ZNF704: variants seen among roughly 807,000 people sequenced by gnomAD.
ZNF704 encodes glucocorticoid induced gene 1.
In ZNF704, 10 loss-of-function variants were observed where a neutral mutation model predicts 44.7. The observed-to-expected ratio is 0.22, with a 90% CI of 0.14 to 0.38. The LOEUF is 0.38. Ranked by LOEUF, ZNF704 falls within the 10% of genes least tolerant of loss-of-function variation. The probability of loss-of-function intolerance (pLI) is 1.00; values close to 1 mark genes in which losing one functional copy is unlikely to be tolerated. For missense variants in ZNF704, 390 were observed against 545.5 expected (o/e 0.71, Z 2.84); for synonymous variants, 211 against 207.6 (o/e 1.02, Z -0.14).
At chr8:80,729,660 T>G (rs1179255708) in intron 2 of ZNF704, among the ~76,000 whole-genome samples, 1 of 152,200 alleles carries the variant, frequency 6.6e-6, no homozygotes, top group Non-Finnish European at 1.5e-5. Context: ...CACCCACTCC[T>G]GCAGATTGGT....
intron 1 of ZNF704, chr8:80,873,464 G>C (rs1383800922): frequency 6.6e-6 from 1 of 151,880 alleles, no homozygotes; most frequent in African/African-American, 2.4e-5. Flanking sequence ...TCCTCGGCCA[G>C]GCGCCTTGCC....
At chr8:80,730,658 G>T (rs1295895536) in intron 2 of ZNF704, among the ~76,000 whole-genome samples, 1 of 149,082 alleles carries the variant, frequency 6.7e-6, no homozygotes, top group South Asian at 2.1e-4. Context: ...AAATAGATTA[G>T]ATTTTTTTTC....
chr8:80,771,769 T>C (rs1586015848), intron 2 of ZNF704, among the ~76,000 whole-genome samples: 1 of 152,338 alleles, frequency 6.6e-6, no homozygotes, highest in East Asian at 1.9e-4. Flanking sequence ...CAGACATCTT[T>C]GCCTCATTTC....
chr8:80,652,592 C>T (rs528892356), intron 7 of ZNF704, among the ~76,000 whole-genome samples: 2 of 152,306 alleles, frequency 1.3e-5, no homozygotes, highest in African/African-American at 2.4e-5. Context: ...TTCCTCGACA[C>T]ACACACCCTC....
chr8:80,800,605 A>C (rs1807882817), intron 2 of ZNF704, among the ~76,000 whole-genome samples: 2 of 152,158 alleles, frequency 1.3e-5, no homozygotes, highest in Non-Finnish European at 2.9e-5. Flanking sequence ...TCAGACAAGC[A>C]AATGCTGAGG....
chr8:80,761,211 C>A (rs1210545387), intron 2 of ZNF704, among the ~76,000 whole-genome samples: 4 of 152,126 alleles, frequency 2.6e-5, no homozygotes, highest in Admixed American at 6.5e-5. Flanking sequence ...TCACCAGATA[C>A]CAAATGCCGA....
In ZNF704 at chr8:80,832,539, A is replaced by G. The variant is rs150260348; in HGVS notation, c.-21-10924T>C. Reference sequence around the variant, plus strand: ...ATGTGTCAACACTCAACTCTTGGAAACTGTCCTCAGTTACTCATCTCAACC... The same window carrying G: ...ATGTGTCAACACTCAACTCTTGGAAGCTGTCCTCAGTTACTCATCTCAACC... On this transcript the variant is annotated intron_variant, in intron 1 of 8. Transcript: ENST00000327835. 7.2e-5 allele frequency among the ~76,000 whole-genome samples: 11 copies of G among 152,300 alleles called. No homozygotes were observed. The East Asian group carries it at 1.9e-3, about 27-fold the overall frequency.
intron 2 of ZNF704, among the ~76,000 whole-genome samples, chr8:80,741,424 T>C (rs374758979): frequency 3.9e-5 from 6 of 152,186 alleles, no homozygotes; most frequent in East Asian, 1.9e-4. Flanking sequence ...AGTAAGAAAA[T>C]TGATGTAGTG....
intron 1 of ZNF704, among the ~76,000 whole-genome samples, chr8:80,843,582 T>C (rs1417617513): frequency 3.3e-5 from 5 of 152,224 alleles, no homozygotes; most frequent in African/African-American, 7.2e-5. Context: ...AGACAAGTGA[T>C]AGACACTATA....
chr8:80,852,352 C>A (rs1808879568), intron 1 of ZNF704, among the ~76,000 whole-genome samples: 1 of 152,170 alleles, frequency 6.6e-6, no homozygotes, highest in African/African-American at 2.4e-5. Flanking sequence ...TTAGTATATA[C>A]ATGCCACATG....
At chr8:80,834,976 T>C (rs1024642868) in intron 1 of ZNF704, among the ~76,000 whole-genome samples, 1 of 152,202 alleles carries the variant, frequency 6.6e-6, no homozygotes, top group Non-Finnish European at 1.5e-5. Context: ...CTATTGTAAA[T>C]AGTGTACTAC....
chr8:80,833,358 A>C (rs1251391501), intron 1 of ZNF704, among the ~76,000 whole-genome samples: 1 of 152,210 alleles, frequency 6.6e-6, no homozygotes, highest in East Asian at 1.9e-4. Context: ...CAAAAAAAAG[A>C]GAAAAAAATT....
chr8:80,668,952 T>C (rs1000202602), intron 5 of ZNF704, among the ~76,000 whole-genome samples: 1 of 152,208 alleles, frequency 6.6e-6, no homozygotes, highest in Non-Finnish European at 1.5e-5. Context: ...GTACGGTGCC[T>C]GGCAGGGCTA....
chr8:80,710,911 T>C (rs73273051), intron 2 of ZNF704, among the ~76,000 whole-genome samples: 22,955 of 152,144 alleles, frequency 0.15, 3,287 homozygotes, highest in African/African-American at 0.38. Context: ...AACATTTTTA[T>C]CCAGTATACT....
At chr8:80,725,659 T>A (rs1806466471) in intron 2 of ZNF704, among the ~76,000 whole-genome samples, 1 of 152,116 alleles carries the variant, frequency 6.6e-6, no homozygotes, top group South Asian at 2.1e-4. Flanking sequence ...TCCTGCAAAC[T>A]TAGAGTCAGC....
intron 4 of ZNF704, among the ~76,000 whole-genome samples, chr8:80,678,410 G>C: frequency 6.6e-6 from 1 of 152,088 alleles, no homozygotes; most frequent in Non-Finnish European, 1.5e-5. Context: ...TTTTAGTCCA[G>C]ACTGTCAGAG....
At chr8:80,700,998 C>G (rs1271007577) in intron 2 of ZNF704, among the ~76,000 whole-genome samples, 1 of 152,078 alleles carries the variant, frequency 6.6e-6, no homozygotes, top group Non-Finnish European at 1.5e-5. Context: ...TACTTCTGAC[C>G]TAGAACAGCT....
chr8:80,653,920 C>A (rs147644531), intron 7 of ZNF704, among the ~76,000 whole-genome samples: 7,418 of 152,132 alleles, frequency 0.049, 216 homozygotes, highest in Middle Eastern at 0.092. Flanking sequence ...GGAGGCATCA[C>A]GCTACCTGAC....
intron 1 of ZNF704, among the ~76,000 whole-genome samples, chr8:80,844,147 CA>C (rs915296450): frequency 5.9e-5 from 9 of 151,942 alleles, no homozygotes; most frequent in African/African-American, 2.2e-4. Flanking sequence ...TATGGGCACA[CA>C]AGAGAGGAGA....
Sources: gnomAD v4.1 joint callset for allele counts (sites outside exome capture counted in the v4.1 genomes callset) on GRCh38, gnomAD v4.1.1 for gene constraint, MANE v1.5 for transcripts, NCBI Gene and HGNC (gene_info 2026-07-23, HGNC 2026-07-21) for gene names.